ARFGEF1: variants seen among roughly 807,000 people sequenced by gnomAD.
ARFGEF1 encodes the protein brefeldin A-inhibited guanine nucleotide-exchange protein 1.
A neutral mutation model predicts 231.0 loss-of-function variants in ARFGEF1; 42 were observed. That is an observed-to-expected ratio of 0.18 (90% CI 0.14 to 0.24). The LOEUF (loss-of-function observed/expected upper bound fraction) is 0.24. Ranked by LOEUF, ARFGEF1 falls within the 10% of genes least tolerant of loss-of-function variation. The pLI, the probability that ARFGEF1 is intolerant of heterozygous loss-of-function variation, is 1.00. For synonymous variants in ARFGEF1, 710 were observed against 732.3 expected (o/e 0.97, Z 0.49); for missense variants, 1,345 against 2,192.0 (o/e 0.61, Z 7.72).
chr8:67,246,872 C>T (rs1840123759), intron 19 of ARFGEF1, among the ~76,000 whole-genome samples: 1 of 149,464 alleles, frequency 6.7e-6, no homozygotes, highest in African/African-American at 2.5e-5. Flanking sequence ...AAAAAAAGAC[C>T]GAAGACACAA....
chr8:67,343,088 A>ACCCCCCCCCCCCCCCCGGGGCCCCCCCC, intron 1 of ARFGEF1, 76 bp downstream of exon 1: 1 of 399,152 alleles, frequency 2.5e-6, no homozygotes. Flanking sequence ...GCCCCGGGCG[A>ACCCCCCCCCCCCCCCCGGGGCCCCCCCC]CCCCACCCCC....
In ARFGEF1 at chr8:67,298,972, G is replaced by A. The variant is rs545404970; in HGVS notation, c.459+237C>T. Among the ~76,000 whole-genome samples, 16 of 152,044 alleles carry A rather than the reference G, an allele frequency of 1.1e-4. No individual in the cohort carries two copies. In the South Asian group the frequency reaches 2.7e-3, roughly 26 times the overall value. On this transcript the variant is annotated intron_variant, in intron 4 of 38. Transcript: ENST00000262215. ...TTAGTAGAGTATTTTTAGTAGAGAT[G>A]GGGGTTTCACCATGTTGGCCAGGCT...
At chr8:67,300,861 A>AC (rs1455164267) in intron 3 of ARFGEF1, among the ~76,000 whole-genome samples, 1 of 151,834 alleles carries the variant, frequency 6.6e-6, no homozygotes, top group Non-Finnish European at 1.5e-5. Context: ...TAAAAAAAAA[A>AC]AAAACAGCAG....
chr8:67,205,380 ATTC>A (rs1196256364), intron 34 of ARFGEF1, among the ~76,000 whole-genome samples: 1 of 152,332 alleles, frequency 6.6e-6, no homozygotes, highest in East Asian at 1.9e-4. Flanking sequence ...GTCCAAGACA[ATTC>A]TTCTTCCAAT....
chr8:67,302,905 T>TGAAAAAAAA (rs1563902346), intron 1 of ARFGEF1, among the ~76,000 whole-genome samples: 1 of 100,234 alleles, frequency 1.0e-5, no homozygotes, highest in African/African-American at 3.9e-5. Flanking sequence ...ACCCCATCTC[T>TGAAAAAAAA]TAAAAAAAAA....
chr8:67,270,902 T>C (rs1272179035), intron 10 of ARFGEF1, among the ~76,000 whole-genome samples: 1 of 150,710 alleles, frequency 6.6e-6, no homozygotes, highest in African/African-American at 2.4e-5. Context: ...CACATGCCTA[T>C]AATCCCAGCT....
At chr8:67,311,221 C>T (rs1807020734) in intron 1 of ARFGEF1, among the ~76,000 whole-genome samples, 2 of 144,514 alleles carry the variant, frequency 1.4e-5, no homozygotes, top group African/African-American at 2.6e-5. Flanking sequence ...GCCAGCCGCC[C>T]CGTCCGGGAG....
At position 67,198,219 on chromosome 8, in the gene ARFGEF1, C is replaced by A; in HGVS notation, c.*715G>T. The A allele has an allele frequency of 1.0e-6, 1 of 985,642 alleles. No homozygotes were observed. The highest frequency in any genetic ancestry group is 1.2e-6 in the Non-Finnish European group (1 of 829,908). 61.1% of individuals were successfully genotyped at this position (985,642 alleles called of 1,614,324 possible). Reference sequence around the variant, plus strand: ...TGGGCATGTTACAGCCTCAAAATCACCACCTACCAAAAAGGGCAAAACTAA... The same window carrying A: ...TGGGCATGTTACAGCCTCAAAATCAACACCTACCAAAAAGGGCAAAACTAA... On this transcript the variant is annotated 3_prime_UTR_variant, in exon 39 of 39. Coordinates refer to ENST00000262215, the MANE Select transcript of ARFGEF1 (RefSeq NM_006421.5).
intron 28 of ARFGEF1, 34 bp downstream of exon 28, chr8:67,225,989 T>G: frequency 7.1e-6 from 11 of 1,542,838 alleles, no homozygotes; most frequent in Non-Finnish European, 8.8e-6. Context: ...GAAAGAATAC[T>G]CTGCAAAATT....
At chr8:67,309,608 A>G (rs994736571) in intron 1 of ARFGEF1, among the ~76,000 whole-genome samples, 1 of 152,240 alleles carries the variant, frequency 6.6e-6, no homozygotes, top group African/African-American at 2.4e-5. Flanking sequence ...TACAAAGTGT[A>G]ACCTCTACTT....
intron 1 of ARFGEF1, among the ~76,000 whole-genome samples, chr8:67,328,871 T>C (rs1216730830): frequency 1.3e-5 from 2 of 152,058 alleles, no homozygotes; most frequent in Non-Finnish European, 2.9e-5. Context: ...GAGAATCCGG[T>C]AGGAAATTAA....
chr8:67,304,602 C>T (rs949524981), intron 1 of ARFGEF1, among the ~76,000 whole-genome samples: 7 of 152,172 alleles, frequency 4.6e-5, no homozygotes, highest in Admixed American at 1.3e-4. Flanking sequence ...CGAGGCACAT[C>T]GATCACTTGA....
intron 5 of ARFGEF1, among the ~76,000 whole-genome samples, chr8:67,176,604 T>C (rs1342203880): frequency 1.3e-5 from 2 of 152,194 alleles, no homozygotes; most frequent in Non-Finnish European, 2.9e-5. Context: ...GTGGCATTTT[T>C]CTTTAGTCTC....
downstream of ARFGEF1, among the ~76,000 whole-genome samples, chr8:67,195,015 A>G (rs1837579016): frequency 6.6e-6 from 1 of 152,228 alleles, no homozygotes; most frequent in South Asian, 2.1e-4. Flanking sequence ...TTTTATGTGT[A>G]GCCATTAGGC....
intron 17 of ARFGEF1, among the ~76,000 whole-genome samples, chr8:67,254,397 C>A (rs1419673059): frequency 6.6e-6 from 1 of 152,124 alleles, no homozygotes; most frequent in African/African-American, 2.4e-5. Flanking sequence ...TATATGATGT[C>A]TCTGAAGAGG....
intron 5 of ARFGEF1, among the ~76,000 whole-genome samples, chr8:67,186,318 T>C (rs1834558882): frequency 6.6e-6 from 1 of 151,828 alleles, no homozygotes; most frequent in Non-Finnish European, 1.5e-5. Flanking sequence ...TTTAAATATG[T>C]ATGGAATGTT....
In ARFGEF1 at chr8:67,299,279, A is replaced by G; in HGVS notation, c.389T>C (p.Ile130Thr). 1 of 1,608,290 alleles carries G rather than the reference A, an allele frequency of 6.2e-7. No individual in the cohort carries two copies. The highest frequency in any genetic ancestry group is 8.5e-7 in the Non-Finnish European group (1 of 1,176,532). ...AAAGCAGCCACATATTGTTTCAATA[A>G]TTCTATCAATTAATTTTTTGCCTGG... ...TTPGKKLIDR[I>T]IETICGCFQG... is the part of the protein sequence containing the mutation. The change falls in exon 4 of 39, where the codon ATT (isoleucine) becomes ACT (threonine). Residue 130 changes from isoleucine to threonine, a missense_variant. By Grantham distance (89) the Ile-to-Thr change is moderately conservative. This residue lies in a region of ARFGEF1 where 398 missense variants were observed against 463.2 expected (regional missense o/e 0.86). Transcript: ENST00000262215.
intron 1 of ARFGEF1, among the ~76,000 whole-genome samples, chr8:67,338,543 C>G (rs1408619896): frequency 1.3e-5 from 2 of 152,200 alleles, no homozygotes; most frequent in Non-Finnish European, 2.9e-5. Flanking sequence ...AAACAGATTA[C>G]ACACTATAAT....
chr8:67,257,636 G>T, intron 17 of ARFGEF1, 96 bp downstream of exon 17: 2 of 1,051,594 alleles, frequency 1.9e-6, no homozygotes, highest in South Asian at 1.4e-5. Flanking sequence ...TGGTTTAACT[G>T]AATAAAACTA....
Sources: gnomAD v4.1 joint callset for allele counts (sites outside exome capture counted in the v4.1 genomes callset) on GRCh38, gnomAD v4.1.1 for gene constraint, gnomAD v4.1.1 regional missense constraint, MANE v1.5 for transcripts, NCBI Gene and HGNC (gene_info 2026-07-23, HGNC 2026-07-21) for gene names.